MEIS2: variants seen among roughly 807,000 people sequenced by gnomAD.
The protein encoded by MEIS2 is Meis homeobox 2, also known as homeobox protein Meis2.
Under a neutral mutation model 58.6 loss-of-function variants are expected in MEIS2, and 9 were observed. The observed-to-expected ratio is 0.15, with a 90% CI of 0.09 to 0.27. The LOEUF is 0.27. Among genes scored for constraint, MEIS2 ranks in the 10% least tolerant of loss-of-function variants. The pLI is 1.00. For missense variants in MEIS2, 427 were observed against 635.0 expected (o/e 0.67, Z 3.52); for synonymous variants, 221 against 228.4 (o/e 0.97, Z 0.29).
intron 9 of MEIS2, among the ~76,000 whole-genome samples, chr15:36,929,738 G>C (rs1386900852): frequency 1.3e-5 from 2 of 152,190 alleles, no homozygotes; most frequent in African/African-American, 4.8e-5. Context: ...TTAGTGGGCA[G>C]ACTGAATATG....
intron 6 of MEIS2, among the ~76,000 whole-genome samples, chr15:37,090,070 C>T (rs1893335333): frequency 6.6e-6 from 1 of 152,034 alleles, no homozygotes; most frequent in Non-Finnish European, 1.5e-5. Context: ...ACATGAACTG[C>T]AGCTGGAAAA....
chr15:36,970,391 A>C (rs372146982), intron 8 of MEIS2, among the ~76,000 whole-genome samples: 2 of 147,396 alleles, frequency 1.4e-5, no homozygotes, highest in Non-Finnish European at 3.0e-5. Flanking sequence ...GCGACAGAGC[A>C]AGACTCCGTC....
intron 7 of MEIS2, among the ~76,000 whole-genome samples, chr15:37,049,430 A>C (rs2062813786): frequency 6.6e-6 from 1 of 152,124 alleles, no homozygotes; most frequent in Non-Finnish European, 1.5e-5. Flanking sequence ...GATGAATTGC[A>C]TAATATGTGA....
intron 8 of MEIS2, among the ~76,000 whole-genome samples, chr15:36,984,082 T>C (rs952324062): frequency 1.3e-5 from 2 of 152,122 alleles, no homozygotes; most frequent in Non-Finnish European, 2.9e-5. Flanking sequence ...TATAAGATTA[T>C]GTCATCTACA....
chr15:37,039,564 C>T (rs1369332171), intron 7 of MEIS2, among the ~76,000 whole-genome samples: 2 of 152,114 alleles, frequency 1.3e-5, no homozygotes, highest in African/African-American at 4.8e-5. Flanking sequence ...TCTTTTCTTT[C>T]TTAAAAGCAA....
At chr15:37,005,161 G>T (rs550525456) in intron 8 of MEIS2, among the ~76,000 whole-genome samples, 2 of 152,294 alleles carry the variant, frequency 1.3e-5, no homozygotes, top group African/African-American at 4.8e-5. Context: ...CACTGTGAAA[G>T]AAGTCATGTT....
chr15:36,983,006 T>C (rs531588562), intron 8 of MEIS2, among the ~76,000 whole-genome samples: 44 of 152,308 alleles, frequency 2.9e-4, no homozygotes, highest in Admixed American at 2.6e-3. Context: ...ATGTGTTTTC[T>C]TGCTATTGAG....
intron 9 of MEIS2, among the ~76,000 whole-genome samples, chr15:36,940,114 G>C (rs543432686): frequency 1.3e-5 from 2 of 152,292 alleles, no homozygotes; most frequent in African/African-American, 4.8e-5. Flanking sequence ...AAGTATGGAT[G>C]TGCCTTATCT....
chr15:36,924,157 C>T (rs2057642768), intron 9 of MEIS2, among the ~76,000 whole-genome samples: 1 of 152,098 alleles, frequency 6.6e-6, no homozygotes. Flanking sequence ...AGTAGATATA[C>T]AGTGGGCTAT....
At chr15:37,008,403 TGTAG>T (rs1019858241) in intron 8 of MEIS2, among the ~76,000 whole-genome samples, 15 of 152,170 alleles carry the variant, frequency 9.9e-5, no homozygotes, top group African/African-American at 3.6e-4. Context: ...TGTAAATGAG[TGTAG>T]GTGAGTAAAA....
intron 9 of MEIS2, among the ~76,000 whole-genome samples, chr15:36,915,817 A>T (rs923093189): frequency 6.6e-6 from 1 of 152,230 alleles, no homozygotes; most frequent in African/African-American, 2.4e-5. Context: ...ACTTACTATG[A>T]TAACCATGGC....
chr15:37,043,997 T>C (rs775693964), intron 7 of MEIS2, among the ~76,000 whole-genome samples: 2 of 152,184 alleles, frequency 1.3e-5, no homozygotes, highest in Non-Finnish European at 2.9e-5. Context: ...GTCTCTTCTT[T>C]ATCCACACTG....
chr15:37,101,024 C>T (rs1295987538), upstream of MEIS2: 1 of 151,996 alleles, frequency 6.6e-6, no homozygotes, highest in Non-Finnish European at 1.5e-5. Flanking sequence ...ATTACAGCAC[C>T]CCGAAGGCTT....
At chr15:36,954,583 G>T (rs1301390972) in intron 8 of MEIS2, among the ~76,000 whole-genome samples, 4 of 151,468 alleles carry the variant, frequency 2.6e-5, no homozygotes, top group Non-Finnish European at 5.9e-5. Context: ...TTGCATTGTG[G>T]TAACTCTTTC....
chr15:37,030,303 A>C (rs1417775261), intron 8 of MEIS2, among the ~76,000 whole-genome samples: 1 of 152,158 alleles, frequency 6.6e-6, no homozygotes, highest in Non-Finnish European at 1.5e-5. Context: ...CCAAATGTTA[A>C]TATGGATTTC....
chr15:36,982,391 C>A (rs1312799649), intron 8 of MEIS2, among the ~76,000 whole-genome samples: 1 of 152,102 alleles, frequency 6.6e-6, no homozygotes, highest in Non-Finnish European at 1.5e-5. Context: ...ACATATGAGA[C>A]CATGCAATAT....
intron 8 of MEIS2, among the ~76,000 whole-genome samples, chr15:37,011,959 T>C (rs1211860446): frequency 1.3e-5 from 2 of 152,086 alleles, no homozygotes; most frequent in Admixed American, 1.3e-4. Context: ...ATAAAGATAG[T>C]TGTGGCTTGA....
chr15:36,941,719 A>G (rs2058382403), intron 9 of MEIS2, among the ~76,000 whole-genome samples: 1 of 152,210 alleles, frequency 6.6e-6, no homozygotes, highest in Non-Finnish European at 1.5e-5. Context: ...TCAATCTATC[A>G]ATCACGGAAA....
At chr15:36,901,762 A>C (rs956205264) in intron 9 of MEIS2, among the ~76,000 whole-genome samples, 5 of 152,228 alleles carry the variant, frequency 3.3e-5, no homozygotes, top group African/African-American at 1.2e-4. Flanking sequence ...TGGAGTGTTC[A>C]TGCTGACATA....
Sources: gnomAD v4.1 joint callset for allele counts (sites outside exome capture counted in the v4.1 genomes callset) on GRCh38, gnomAD v4.1.1 for gene constraint, MANE v1.5 for transcripts, NCBI Gene and HGNC (gene_info 2026-07-23, HGNC 2026-07-21) for gene names.